The following CCDC171 variants were observed in gnomAD, a reference collection of about 807,000 sequenced individuals.
The protein encoded by CCDC171 is coiled-coil domain containing 171, also known as coiled-coil domain-containing protein 171.
In CCDC171, 177 loss-of-function variants were observed where a neutral mutation model predicts 168.2. The observed-to-expected ratio is 1.05, with a 90% CI of 0.93 to 1.19. CCDC171 has a LOEUF of 1.19. Among genes scored for constraint, CCDC171 ranks in the 50% most tolerant of loss-of-function variants. The probability of loss-of-function intolerance (pLI) is 0.00; values close to 1 mark genes in which losing one functional copy is unlikely to be tolerated. For synonymous variants in CCDC171, 687 were observed against 540.8 expected (o/e 1.27, Z -3.75); for missense variants, 1,991 against 1,539.0 (o/e 1.29, Z -4.91).
At chr9:16,000,850 G>T (rs1167453099) in intron 3 of CCDC171, among the ~76,000 whole-genome samples, 1 of 151,844 alleles carries the variant, frequency 6.6e-6, no homozygotes, top group African/African-American at 2.4e-5. Flanking sequence ...CATAATTTTA[G>T]CAATAATGAG....
At chr9:15,742,291 AG>A (rs1386190902) in intron 16 of CCDC171, among the ~76,000 whole-genome samples, 1 of 152,158 alleles carries the variant, frequency 6.6e-6, no homozygotes, top group Non-Finnish European at 1.5e-5. Flanking sequence ...CTCTAGATAA[AG>A]TTAAGTTTCT....
At chr9:15,934,389 CAAAA>C (rs71304892) in intron 25 of CCDC171, among the ~76,000 whole-genome samples, 6 of 114,266 alleles carry the variant, frequency 5.3e-5, no homozygotes, top group South Asian at 5.9e-4. Flanking sequence ...GACCCTGTCT[CAAAA>C]AAAAAAAAAA....
At chr9:15,853,358 T>C (rs2061216421) in intron 23 of CCDC171, among the ~76,000 whole-genome samples, 1 of 151,684 alleles carries the variant, frequency 6.6e-6, no homozygotes, top group Non-Finnish European at 1.5e-5. Context: ...TGGAACTGTT[T>C]TCTTAAGTCT....
intron 24 of CCDC171, among the ~76,000 whole-genome samples, chr9:15,903,126 G>A (rs1282557795): frequency 6.6e-6 from 1 of 152,216 alleles, no homozygotes; most frequent in Non-Finnish European, 1.5e-5. Flanking sequence ...CCAAACAAAA[G>A]GCAGCAGAAT....
intron 24 of CCDC171, among the ~76,000 whole-genome samples, chr9:15,907,208 C>T (rs1173928555): frequency 5.9e-5 from 9 of 152,148 alleles, no homozygotes; most frequent in African/African-American, 2.2e-4. Context: ...AAGTCAATCC[C>T]AAGCCAAAAG....
intron 1 of CCDC171, among the ~76,000 whole-genome samples, chr9:16,056,838 A>T (rs2987089): frequency 2.0e-5 from 3 of 152,104 alleles, no homozygotes; most frequent in Non-Finnish European, 4.4e-5. Flanking sequence ...AAGATGAATT[A>T]TATCTCATTA....
At chr9:16,104,021 G>A in the CCDC171 span, among the ~76,000 whole-genome samples, 1 of 152,204 alleles carries the variant, frequency 6.6e-6, no homozygotes, top group Admixed American at 6.5e-5. Flanking sequence ...TCCCTTGGCA[G>A]AGAGGCTGTG....
At chr9:15,784,145 T>C (rs1287539463) in intron 20 of CCDC171, among the ~76,000 whole-genome samples, 1 of 152,170 alleles carries the variant, frequency 6.6e-6, no homozygotes, top group Non-Finnish European at 1.5e-5. Flanking sequence ...GAACACAAAC[T>C]TCTAGGTGAT....
chr9:15,691,978 A>G (rs1217566082), intron 10 of CCDC171, among the ~76,000 whole-genome samples: 1 of 152,094 alleles, frequency 6.6e-6, no homozygotes, highest in African/African-American at 2.4e-5. Context: ...CCAGCCTTTC[A>G]CTGACCTGTG....
intron 25 of CCDC171, among the ~76,000 whole-genome samples, chr9:15,952,041 C>T (rs894620966): frequency 7.9e-5 from 12 of 152,092 alleles, no homozygotes; most frequent in Non-Finnish European, 1.3e-4. Context: ...AATTTGTGTA[C>T]ATAGTGTTCT....
At position 15,754,531 on chromosome 9, in the gene CCDC171, A is replaced by G. The variant is rs543548012; in HGVS notation, c.2671+8900A>G. Reference sequence around the variant, plus strand: ...CATAAATGAGCACACATGCGCATACACACACACACCCCTTTATACATTTTC... The same window carrying G: ...CATAAATGAGCACACATGCGCATACGCACACACACCCCTTTATACATTTTC... On this transcript the variant is annotated intron_variant, in intron 18 of 25. Transcript: ENST00000380701. Among the ~76,000 whole-genome samples, 7 of 152,146 alleles carry G rather than the reference A, an allele frequency of 4.6e-5. No individual in the cohort carries two copies. The East Asian group carries it at 1.3e-3, about 29-fold the overall frequency.
At chr9:15,584,470 A>G (rs2041393719) in intron 4 of CCDC171, among the ~76,000 whole-genome samples, 1 of 152,172 alleles carries the variant, frequency 6.6e-6, no homozygotes, top group Non-Finnish European at 1.5e-5. Context: ...AGTTGTGGAG[A>G]AATATGACTG....
chr9:16,095,556 C>T, the CCDC171 span, among the ~76,000 whole-genome samples: 3 of 152,074 alleles, frequency 2.0e-5, no homozygotes, highest in Middle Eastern at 3.4e-3. Context: ...CTCTCTCTCT[C>T]GCGCACACAC....
At chr9:15,792,971 C>A (rs1217610487) in intron 21 of CCDC171, among the ~76,000 whole-genome samples, 1 of 152,084 alleles carries the variant, frequency 6.6e-6, no homozygotes, top group Non-Finnish European at 1.5e-5. Flanking sequence ...TCACACATAA[C>A]AATATTAACC....
At chr9:15,830,841 A>C (rs1179885300) in intron 21 of CCDC171, among the ~76,000 whole-genome samples, 1 of 152,172 alleles carries the variant, frequency 6.6e-6, no homozygotes, top group African/African-American at 2.4e-5. Context: ...ATATTTAGAA[A>C]TTGAACATAG....
At chr9:15,991,653 A>G (rs1832204213) in intron 3 of CCDC171, among the ~76,000 whole-genome samples, 1 of 152,176 alleles carries the variant, frequency 6.6e-6, no homozygotes, top group Non-Finnish European at 1.5e-5. Context: ...TGGTTTTTTG[A>G]AAAGATCAAC....
At chr9:15,726,052 C>T (rs2053779468) in intron 14 of CCDC171, among the ~76,000 whole-genome samples, 2 of 152,082 alleles carry the variant, frequency 1.3e-5, no homozygotes, top group South Asian at 2.1e-4. Context: ...CTAAGTCATC[C>T]TGCATATTGA....
intron 21 of CCDC171, among the ~76,000 whole-genome samples, chr9:15,842,120 T>C (rs914447422): frequency 2.0e-5 from 3 of 152,070 alleles, no homozygotes; most frequent in Non-Finnish European, 4.4e-5. Context: ...ATAACACTTG[T>C]GTTGTCTTGC....
intron 8 of CCDC171, among the ~76,000 whole-genome samples, chr9:15,659,218 C>G (rs1275022179): frequency 1.3e-5 from 2 of 152,192 alleles, no homozygotes; most frequent in South Asian, 4.1e-4. Flanking sequence ...TTTATATTCT[C>G]TCAAGCAACT....
Sources: allele counts gnomAD v4.1 joint callset (sites outside exome capture counted in the v4.1 genomes callset), GRCh38; gene constraint gnomAD v4.1.1; transcripts MANE v1.5; gene names NCBI Gene and HGNC (gene_info 2026-07-23, HGNC 2026-07-21).